GMDS: variants seen among roughly 807,000 people sequenced by gnomAD.
GMDS encodes the protein GDP-mannose 4,6-dehydratase, also known as GDP-mannose 4,6 dehydratase.
Under a neutral mutation model 49.9 loss-of-function variants are expected in GMDS, and 20 were observed. The observed-to-expected ratio is 0.40, with a 90% CI of 0.28 to 0.58. GMDS has a LOEUF of 0.58. GMDS is among the 20% of genes least tolerant of loss of function. The pLI, the probability that GMDS is intolerant of heterozygous loss-of-function variation, is 0.42. For missense variants in GMDS, 362 were observed against 481.4 expected (o/e 0.75, Z 2.32); for synonymous variants, 177 against 178.6 (o/e 0.99, Z 0.07).
At chr6:1,913,917 T>C (rs576500753) in intron 7 of GMDS, among the ~76,000 whole-genome samples, 14 of 152,310 alleles carry the variant, frequency 9.2e-5, no homozygotes, top group East Asian at 7.7e-4. Context: ...AGCTTAAGTT[T>C]GCATTATGTT....
chr6:1,908,218 G>A (rs979918166), intron 7 of GMDS, among the ~76,000 whole-genome samples: 5 of 152,178 alleles, frequency 3.3e-5, no homozygotes, highest in African/African-American at 1.2e-4. Context: ...GGGATGGTGT[G>A]AGATTTCATC....
At chr6:1,729,244 CT>C (rs1766704227) in intron 8 of GMDS, among the ~76,000 whole-genome samples, 2 of 152,226 alleles carry the variant, frequency 1.3e-5, no homozygotes, top group Admixed American at 6.5e-5. Context: ...GAAACACTCC[CT>C]CTCTGAGGGG....
At chr6:1,870,567 TAC>T (rs1203884681) in intron 7 of GMDS, among the ~76,000 whole-genome samples, 1 of 152,092 alleles carries the variant, frequency 6.6e-6, no homozygotes, top group Non-Finnish European at 1.5e-5. Flanking sequence ...GCTGTGTGAG[TAC>T]AGTCTCAGCA....
At chr6:1,895,057 C>T (rs1443255054) in intron 7 of GMDS, among the ~76,000 whole-genome samples, 1 of 152,156 alleles carries the variant, frequency 6.6e-6, no homozygotes, top group Admixed American at 6.5e-5. Context: ...ACACTCTGAA[C>T]CTGTTCAAAG....
At position 1,713,113 on chromosome 6, in the gene GMDS, A is replaced by G. The variant is rs151159901; in HGVS notation, c.987+13303T>C. On this transcript the variant is annotated intron_variant, in intron 9 of 10. Coordinates refer to ENST00000380815, the MANE Select transcript of GMDS (RefSeq NM_001500.4). ...GACAAGTCAGAAATGTGGTAGATCC[A>G]TAGTGGCCACTCTCAAGGACAAGCA... Among the ~76,000 whole-genome samples the G allele has an allele frequency of 4.2e-3, 640 of 152,370 alleles. 4 individuals are homozygous for G. The highest frequency in any genetic ancestry group is 0.015 in the African/African-American group (611 of 41,588).
At chr6:2,062,692 A>G (rs6930064) in intron 4 of GMDS, among the ~76,000 whole-genome samples, 8,137 of 152,262 alleles carry the variant, frequency 0.053, 568 homozygotes, top group African/African-American at 0.15. Context: ...CAAACCACCA[A>G]GTTTTAAATG....
At chr6:1,719,223 A>G (rs1362637966) in intron 9 of GMDS, among the ~76,000 whole-genome samples, 1 of 152,128 alleles carries the variant, frequency 6.6e-6, no homozygotes, top group Non-Finnish European at 1.5e-5. Context: ...TTAATGACAA[A>G]AGGAGCCAGA....
intron 1 of GMDS, among the ~76,000 whole-genome samples, chr6:2,171,142 A>C (rs1777985847): frequency 6.6e-6 from 1 of 152,274 alleles, no homozygotes; most frequent in African/African-American, 2.4e-5. Context: ...ACTTGAATTC[A>C]GGAGTCTGTG....
intron 6 of GMDS, among the ~76,000 whole-genome samples, chr6:1,948,541 C>T (rs752700566): frequency 2.0e-5 from 3 of 152,040 alleles, no homozygotes; most frequent in African/African-American, 4.8e-5. Context: ...CCTGTCGACC[C>T]AGCTGCTCAG....
rs963620291 is a variant in GMDS, at chr6:2,191,560, C to G, written c.102+53761G>C. 6.6e-6 allele frequency among the ~76,000 whole-genome samples: 1 copy of G among 152,208 alleles called. No individual in the cohort carries two copies. Among genetic ancestry groups the G allele is most frequent in the Admixed American group, 6.5e-5 (1 of 15,290 alleles). On this transcript the variant is annotated intron_variant, in intron 1 of 10. Transcript: ENST00000380815. The surrounding 1 kb of genome is among the most constrained non-coding windows in gnomAD (Gnocchi z 4.6). ...CCCTTGCAGGCTCGGAGGTGCCTAC[C>G]TCCACTGTCTGGCCTCTCCCCGCTC...
intron 8 of GMDS, among the ~76,000 whole-genome samples, chr6:1,741,831 A>G (rs1469581371): frequency 2.0e-5 from 3 of 150,532 alleles, no homozygotes; most frequent in African/African-American, 7.3e-5. Flanking sequence ...AAAAAAAAAA[A>G]AAAAAAGAAG....
chr6:1,652,408 ATT>A lies in GMDS; in HGVS notation c.988-27870_988-27869del, dbSNP rs1763688278. ...ATATATATATTATATATATATATAT[ATT>A]ATATATAATATATATATAATATATT... is the stretch of plus-strand genomic sequence containing the variant. On this transcript the variant is annotated intron_variant, in intron 9 of 10. Transcript: ENST00000380815. Among the ~76,000 whole-genome samples, 9 of 2,414 alleles carry A rather than the reference ATT, an allele frequency of 3.7e-3. 1 individual carries two copies. Among genetic ancestry groups the A allele is most frequent in the African/African-American group, 7.0e-3 (9 of 1,282 alleles). 1.6% of individuals were successfully genotyped at this position (2,414 alleles called of 152,430 possible). A position where few individuals can be genotyped will look rare whatever the true frequency, so the allele number is the denominator to read the frequency against.
chr6:1,693,981 C>T (rs751345275), intron 9 of GMDS, among the ~76,000 whole-genome samples: 9 of 152,154 alleles, frequency 5.9e-5, no homozygotes, highest in Non-Finnish European at 1.0e-4. Context: ...ATACAACTAG[C>T]AGGTGACAGG....
At chr6:1,632,876 C>G (rs530013593) in intron 9 of GMDS, among the ~76,000 whole-genome samples, 1 of 152,312 alleles carries the variant, frequency 6.6e-6, no homozygotes, top group African/African-American at 2.4e-5. Flanking sequence ...GAGACTTCGC[C>G]TCTAAAGGAA....
chr6:2,114,970 A>G (rs1183903358), intron 4 of GMDS, among the ~76,000 whole-genome samples: 2 of 148,772 alleles, frequency 1.3e-5, no homozygotes, highest in African/African-American at 5.1e-5. Flanking sequence ...CAAACAAACA[A>G]ACAAAAAAAA....
At chr6:1,867,044 T>A (rs1033689535) in intron 7 of GMDS, among the ~76,000 whole-genome samples, 4 of 152,242 alleles carry the variant, frequency 2.6e-5, no homozygotes, top group Non-Finnish European at 5.9e-5. Context: ...CCTGACAAAT[T>A]ACATGGATAT....
At chr6:1,658,954 G>A (rs1763977505) in intron 9 of GMDS, among the ~76,000 whole-genome samples, 1 of 152,240 alleles carries the variant, frequency 6.6e-6, no homozygotes, top group African/African-American at 2.4e-5. Flanking sequence ...GATATATGTA[G>A]AAGTCACGTG....
chr6:2,147,377 G>A (rs1176837767), intron 1 of GMDS, among the ~76,000 whole-genome samples: 2 of 152,228 alleles, frequency 1.3e-5, no homozygotes, highest in Non-Finnish European at 2.9e-5. Flanking sequence ...CACGTTTAGC[G>A]TCCCTAATTT....
At chr6:1,671,442 C>T (rs2569836) in intron 9 of GMDS, among the ~76,000 whole-genome samples, 1,721 of 152,166 alleles carry the variant, frequency 0.011, 15 homozygotes, top group Middle Eastern at 0.027. Flanking sequence ...CCCACCCCCA[C>T]GCACCCCACC....
Sources: allele counts gnomAD v4.1 joint callset (sites outside exome capture counted in the v4.1 genomes callset), GRCh38; gene constraint gnomAD v4.1.1; non-coding constraint Gnocchi (gnomAD v3.1); transcripts MANE v1.5; gene names NCBI Gene and HGNC (gene_info 2026-07-23, HGNC 2026-07-21).